Variants in PDE9A observed in about 807,000 individuals in gnomAD.
The protein encoded by PDE9A is high affinity cGMP-specific 3',5'-cyclic phosphodiesterase 9A.
In PDE9A, 60 loss-of-function variants were observed where a neutral mutation model predicts 87.4. The ratio of observed to expected loss-of-function variants is 0.69; its 90% CI spans 0.56 to 0.85. PDE9A has a LOEUF of 0.85. Among genes scored for constraint, PDE9A ranks in the 40% least tolerant of loss-of-function variants. The pLI, the probability that PDE9A is intolerant of heterozygous loss-of-function variation, is 0.00. For synonymous variants in PDE9A, 272 were observed against 279.4 expected (o/e 0.97, Z 0.27); for missense variants, 665 against 779.0 (o/e 0.85, Z 1.74).
intron 2 of PDE9A, 31 bp from the exon 3 acceptor site, chr21:42,687,886 G>A: frequency 6.2e-7 from 1 of 1,600,876 alleles, no homozygotes; most frequent in South Asian, 1.1e-5. Flanking sequence ...CACACTATGG[G>A]CGAAAACACG....
chr21:42,719,045 C>CTCT (rs2050224096), intron 4 of PDE9A, among the ~76,000 whole-genome samples: 1 of 151,628 alleles, frequency 6.6e-6, no homozygotes, highest in African/African-American at 2.4e-5. Context: ...TTTATCAAGC[C>CTCT]TCTCTAACTC....
chr21:42,670,298 CACAT>C (rs1399795746), intron 1 of PDE9A, among the ~76,000 whole-genome samples: 2 of 145,220 alleles, frequency 1.4e-5, no homozygotes, highest in African/African-American at 5.5e-5. Context: ...CACATTCACA[CACAT>C]ACACTTAGAC....
At chr21:42,677,718 C>T (rs1012107580) in intron 1 of PDE9A, among the ~76,000 whole-genome samples, 1 of 152,184 alleles carries the variant, frequency 6.6e-6, no homozygotes, top group Non-Finnish European at 1.5e-5. Context: ...TCTTGGCTCA[C>T]CGCAGTCTCC....
At chr21:42,656,431 C>T (rs182862879) in intron 1 of PDE9A, among the ~76,000 whole-genome samples, 32 of 152,326 alleles carry the variant, frequency 2.1e-4, no homozygotes, top group Non-Finnish European at 4.1e-4. Context: ...GGGGTTCTGC[C>T]GAGTTCTGTG....
intron 1 of PDE9A, among the ~76,000 whole-genome samples, chr21:42,665,095 C>G (rs143622944): frequency 4.8e-4 from 73 of 152,314 alleles, no homozygotes; most frequent in South Asian, 1.7e-3. Flanking sequence ...GAAATGAGAA[C>G]GGAAGACGTA....
At chr21:42,706,500 C>T (rs562960404) in intron 4 of PDE9A, among the ~76,000 whole-genome samples, 168 of 152,066 alleles carry the variant, frequency 1.1e-3, no homozygotes, top group Non-Finnish European at 2.0e-3. Context: ...CAAAAATTAG[C>T]CGGGTGTGGT....
At chr21:42,657,091 G>GT (rs1342665622) in intron 1 of PDE9A, among the ~76,000 whole-genome samples, 2 of 152,252 alleles carry the variant, frequency 1.3e-5, no homozygotes, top group Admixed American at 6.5e-5. Flanking sequence ...TGATGAACAG[G>GT]TTTTTTTCCC....
intron 1 of PDE9A, among the ~76,000 whole-genome samples, chr21:42,665,664 G>A (rs1414489321): frequency 1.3e-5 from 2 of 152,208 alleles, no homozygotes; most frequent in Non-Finnish European, 2.9e-5. Flanking sequence ...GAAGCCGGAT[G>A]TGTCGCGTGC....
At chr21:42,686,979 A>G (rs1372197870) in intron 2 of PDE9A, among the ~76,000 whole-genome samples, 1 of 152,180 alleles carries the variant, frequency 6.6e-6, no homozygotes, top group Non-Finnish European at 1.5e-5. Flanking sequence ...ACTGGGTGAA[A>G]GGCTGACTTC....
At chr21:42,753,954 G>T in intron 9 of PDE9A, 36 bp from the exon 10 acceptor site, 3 of 1,254,524 alleles carry the variant, frequency 2.4e-6, no homozygotes, top group Non-Finnish European at 2.3e-6. Context: ...ACAGGCCCAC[G>T]GCGCCTGGTT....
chr21:42,687,917 G>A lies in PDE9A; in HGVS notation c.141G>A (p.Arg47=). The A allele has an allele frequency of 6.2e-7, 1 of 1,612,986 alleles. No individual in the cohort carries two copies. The highest frequency in any genetic ancestry group is 8.5e-7 in the Non-Finnish European group (1 of 1,179,878). Reference sequence around the variant, plus strand: ...ACACGGGCTTGGGTGTGTTTTCCAGGAACACGACCATCTCCCTGCTGACCA... The same window carrying A: ...ACACGGGCTTGGGTGTGTTTTCCAGAAACACGACCATCTCCCTGCTGACCA... ...DLFCIATGLP[R]NTTISLLTTD... is the part of the protein sequence containing the mutation. The change falls in exon 3 of 20, where the codon CGG becomes CGA. Residue 47 remains arginine, a splice_region_variant and synonymous_variant. Transcript: ENST00000291539.
At chr21:42,743,890 C>G (rs781112460) in intron 8 of PDE9A, 30 bp downstream of exon 8, 3 of 1,402,430 alleles carry the variant, frequency 2.1e-6, no homozygotes, top group East Asian at 2.5e-5. Context: ...CACGGGCGGC[C>G]GGGCCTGGGG....
intron 4 of PDE9A, among the ~76,000 whole-genome samples, chr21:42,714,271 C>G (rs2049625744): frequency 6.6e-6 from 1 of 152,156 alleles, no homozygotes; most frequent in African/African-American, 2.4e-5. Context: ...CCTGCCTTGA[C>G]CTCCCAAAGT....
At chr21:42,743,418 CT>C (rs2053513506) in intron 7 of PDE9A, among the ~76,000 whole-genome samples, 1 of 152,214 alleles carries the variant, frequency 6.6e-6, no homozygotes, top group Non-Finnish European at 1.5e-5. Flanking sequence ...TAAAAGACGC[CT>C]TTGTCCCATG....
chr21:42,693,907 T>C (rs546783119), intron 3 of PDE9A, among the ~76,000 whole-genome samples: 1 of 152,132 alleles, frequency 6.6e-6, no homozygotes, highest in African/African-American at 2.4e-5. Flanking sequence ...AGGAATCTTT[T>C]AAAAGGTACC....
chr21:42,655,281 CAA>C (rs2056975216), intron 1 of PDE9A, among the ~76,000 whole-genome samples: 1 of 152,214 alleles, frequency 6.6e-6, no homozygotes, highest in Non-Finnish European at 1.5e-5. Context: ...CCTTTAAAAG[CAA>C]AAGTCTTTTT....
chr21:42,739,348 C>T lies in PDE9A; in HGVS notation c.569-4428C>T, dbSNP rs2052849643. ...CTGGATTGAGGTGGAGCAGGGCTGGCAGTGGGTCGAAGAGGGGAGCTGTGG... is the reference window on the plus strand; with the variant it reads ...CTGGATTGAGGTGGAGCAGGGCTGGTAGTGGGTCGAAGAGGGGAGCTGTGG... On this transcript the variant is annotated intron_variant, in intron 7 of 19. Transcript: ENST00000291539. The surrounding 1 kb of genome is among the most constrained non-coding windows in gnomAD (Gnocchi z 4.1). Among the ~76,000 whole-genome samples the T allele has an allele frequency of 6.6e-6, 1 of 152,174 alleles. No homozygotes were observed. The highest frequency in any genetic ancestry group is 2.1e-4 in the South Asian group (1 of 4,832).
chr21:42,759,138 T>C lies in PDE9A; in HGVS notation c.897+53T>C. 7.6e-7 allele frequency: 1 copy of C among 1,311,092 alleles called. No homozygotes were observed. Among genetic ancestry groups the C allele is most frequent in the South Asian group, 1.2e-5 (1 of 83,746 alleles). The allele number at this position is 1,311,092 out of a possible 1,614,324, so 81.2% of individuals were successfully genotyped here. A position where few individuals can be genotyped will look rare whatever the true frequency, so the allele number is the denominator to read the frequency against. The stretch of plus-strand genomic sequence containing the variant: ...TCCTGGGCACGTGGTTTCATCCAGT[T>C]CCACAGGAATGGAGGGAATGGATCA... On this transcript the variant is annotated intron_variant, in intron 11 of 19. Coordinates refer to ENST00000291539, the MANE Select transcript of PDE9A (RefSeq NM_002606.3). This position sits in a 1 kb window ranked among gnomAD's most constrained non-coding sequence, Gnocchi z 7.2.
At chr21:42,768,706 A>C (rs1283626021) in intron 16 of PDE9A, 1 of 985,302 alleles carries the variant, frequency 1.0e-6, no homozygotes, top group Non-Finnish European at 1.2e-6. Flanking sequence ...GAAAACAACC[A>C]CCAAATATTA....
Sources: gnomAD v4.1 joint callset for allele counts (sites outside exome capture counted in the v4.1 genomes callset) on GRCh38, gnomAD v4.1.1 for gene constraint, Gnocchi (gnomAD v3.1) non-coding constraint, MANE v1.5 for transcripts, NCBI Gene and HGNC (gene_info 2026-07-23, HGNC 2026-07-21) for gene names.